Variants in NOL4 observed in about 807,000 individuals in gnomAD.
NOL4 encodes nucleolar protein 4, also known as cancer/testis antigen 125.
Under a neutral mutation model 75.9 loss-of-function variants are expected in NOL4, and 17 were observed. The observed-to-expected ratio is 0.22, with a 90% CI of 0.15 to 0.34. The LOEUF (loss-of-function observed/expected upper bound fraction) is 0.34, where lower values mean the gene tolerates loss of function less well. Ranked by LOEUF, NOL4 falls within the 10% of genes least tolerant of loss-of-function variation. The probability of loss-of-function intolerance (pLI) is 1.00; values close to 1 mark genes in which losing one functional copy is unlikely to be tolerated. For synonymous variants in NOL4, 292 were observed against 289.9 expected (o/e 1.01, Z -0.07); for missense variants, 614 against 793.5 (o/e 0.77, Z 2.72).
At chr18:33,968,782 T>TA (rs1331868040) in intron 6 of NOL4, among the ~76,000 whole-genome samples, 1 of 152,064 alleles carries the variant, frequency 6.6e-6, no homozygotes, top group Admixed American at 6.6e-5. Context: ...TCTAATTTTT[T>TA]AAAAAAATCT....
intron 1 of NOL4, among the ~76,000 whole-genome samples, chr18:34,157,752 A>C (rs1368417910): frequency 6.6e-6 from 1 of 152,218 alleles, no homozygotes; most frequent in Non-Finnish European, 1.5e-5. Flanking sequence ...ATGAGAAGTT[A>C]GATCAAGAGC....
chr18:33,863,734 T>C (rs1337280407), intron 10 of NOL4, among the ~76,000 whole-genome samples: 1 of 152,052 alleles, frequency 6.6e-6, no homozygotes, highest in Non-Finnish European at 1.5e-5. Flanking sequence ...TATTCTGGGG[T>C]CTGGAGGATG....
chr18:34,084,664 T>G (rs2078165693), intron 5 of NOL4, among the ~76,000 whole-genome samples: 1 of 152,178 alleles, frequency 6.6e-6, no homozygotes, highest in African/African-American at 2.4e-5. Context: ...AGAAAATAAT[T>G]ACACTGTAAA....
At position 33,952,305 on chromosome 18, in the gene NOL4, A is replaced by G. The variant is rs945348110; in HGVS notation, c.1428+5021T>C. 2.6e-5 allele frequency among the ~76,000 whole-genome samples: 4 copies of G among 152,320 alleles called. No individual in the cohort carries two copies. In the East Asian group the frequency reaches 7.7e-4, roughly 29 times the overall value. ...TCTTCAATTTTAATGCATTTAGTAA[A>G]CAATGAGCAAAGGTACCCATAATTC... On this transcript the variant is annotated intron_variant, in intron 8 of 10. Transcript: ENST00000261592.
chr18:34,163,205 A>ACCG, intron 1 of NOL4, among the ~76,000 whole-genome samples: 1 of 151,958 alleles, frequency 6.6e-6, no homozygotes, highest in African/African-American at 2.4e-5. Flanking sequence ...CTCTCTCACC[A>ACCG]CTCCTATTCA....
chr18:34,095,251 A>ATGTGTGTGTGTGTGTGTGTGTG (rs60017439), intron 4 of NOL4, among the ~76,000 whole-genome samples: 17 of 144,406 alleles, frequency 1.2e-4, no homozygotes, highest in South Asian at 6.8e-4. Context: ...TCTAATGTGT[A>ATGTGTGTGTGTGTGTGTGTGTG]TGTGTGTGTG....
At chr18:33,887,213 A>AT (rs2144755720) in intron 9 of NOL4, among the ~76,000 whole-genome samples, 1 of 149,106 alleles carries the variant, frequency 6.7e-6, no homozygotes, top group East Asian at 2.0e-4. Flanking sequence ...AATAAAAAAG[A>AT]TTTAAAAAAT....
intron 6 of NOL4, among the ~76,000 whole-genome samples, chr18:33,976,035 G>A (rs1348703019): frequency 1.3e-5 from 2 of 152,118 alleles, no homozygotes; most frequent in Non-Finnish European, 2.9e-5. Flanking sequence ...TTTTGAGGAT[G>A]GAGGGCCTTA....
intron 10 of NOL4, among the ~76,000 whole-genome samples, chr18:33,871,785 TCAA>T (rs2063712856): frequency 1.3e-5 from 2 of 152,022 alleles, no homozygotes; most frequent in South Asian, 4.1e-4. Context: ...AAAAGCCTGA[TCAA>T]TGTTGAACTA....
intron 8 of NOL4, among the ~76,000 whole-genome samples, chr18:33,944,329 T>C (rs915417304): frequency 6.6e-6 from 1 of 151,852 alleles, no homozygotes; most frequent in Non-Finnish European, 1.5e-5. Context: ...TCTCAGCAAA[T>C]TGAACACAGG....
intron 1 of NOL4, among the ~76,000 whole-genome samples, chr18:34,216,131 C>A (rs2036870705): frequency 6.6e-6 from 1 of 152,010 alleles, no homozygotes; most frequent in South Asian, 2.1e-4. Flanking sequence ...AGAACACAGG[C>A]CTAACTGAAG....
At chr18:33,929,218 T>C (rs2067528882) in intron 9 of NOL4, among the ~76,000 whole-genome samples, 1 of 152,176 alleles carries the variant, frequency 6.6e-6, no homozygotes. Context: ...TGCCCAGTCA[T>C]CTCTTCTTTG....
intron 9 of NOL4, among the ~76,000 whole-genome samples, chr18:33,917,611 C>T (rs553697591): frequency 2.1e-4 from 32 of 152,202 alleles, no homozygotes; most frequent in African/African-American, 7.5e-4. Context: ...CCTCCCTCCT[C>T]AGCCTCCCCA....
In NOL4 at chr18:34,108,403, T is replaced by C. The variant is rs572331605; in HGVS notation, c.415-3243A>G. On this transcript the variant is annotated intron_variant, in intron 2 of 10. Transcript: ENST00000261592. ...TTCTCCAATCAAAAGTCAGAGTGGCTAAATGAATTTAAAAAAAAAAGAACT... is the reference window on the plus strand; with the variant it reads ...TTCTCCAATCAAAAGTCAGAGTGGCCAAATGAATTTAAAAAAAAAAGAACT... 7.9e-4 allele frequency among the ~76,000 whole-genome samples: 120 copies of C among 151,296 alleles called. 1 individual carries two copies. The highest frequency in any genetic ancestry group is 1.2e-4 in the Non-Finnish European group (8 of 67,496).
intron 10 of NOL4, among the ~76,000 whole-genome samples, chr18:33,856,551 TC>T (rs2062844531): frequency 1.3e-5 from 2 of 152,018 alleles, no homozygotes; most frequent in African/African-American, 4.8e-5. Flanking sequence ...TACAGCCTTC[TC>T]CTACATTCTC....
intron 8 of NOL4, among the ~76,000 whole-genome samples, chr18:33,954,439 G>A (rs2069492569): frequency 6.6e-6 from 1 of 152,050 alleles, no homozygotes; most frequent in African/African-American, 2.4e-5. Context: ...GGTATAATCT[G>A]TGAGTATAAA....
chr18:34,191,396 A>T (rs1472850460), intron 1 of NOL4, among the ~76,000 whole-genome samples: 1 of 152,144 alleles, frequency 6.6e-6, no homozygotes, highest in Non-Finnish European at 1.5e-5. Flanking sequence ...AATTAACATA[A>T]TATCCAACTT....
intron 2 of NOL4, among the ~76,000 whole-genome samples, chr18:34,111,276 A>G (rs921439329): frequency 6.6e-6 from 1 of 152,240 alleles, no homozygotes; most frequent in African/African-American, 2.4e-5. Flanking sequence ...AAAAACATAT[A>G]AAGAACTCAA....
Position 33,907,548 on chromosome 18 carries a change from A to T in NOL4, c.1543-24124T>A, listed in dbSNP as rs73414360. 5.5e-3 allele frequency among the ~76,000 whole-genome samples: 842 copies of T among 152,304 alleles called. 12 individuals carry two copies. The highest frequency in any genetic ancestry group is 0.019 in the African/African-American group (792 of 41,568). On this transcript the variant is annotated intron_variant, in intron 9 of 10. Coordinates refer to ENST00000261592, the MANE Select transcript of NOL4 (RefSeq NM_003787.5). ...AATATTACAGCTGTAATAAAAATTC[A>T]GAACAAATACCTTTGTTGTTAAACT...
Sources: allele counts gnomAD v4.1 joint callset (sites outside exome capture counted in the v4.1 genomes callset), GRCh38; gene constraint gnomAD v4.1.1; transcripts MANE v1.5; gene names NCBI Gene and HGNC (gene_info 2026-07-23, HGNC 2026-07-21).